The following EPN2 variants were observed in gnomAD, a reference collection of about 807,000 sequenced individuals.
EPN2 encodes the protein epsin-2.
EPN2 carries 34 observed loss-of-function variants against 61.7 expected under a neutral mutation model. The ratio of observed to expected loss-of-function variants is 0.55; its 90% CI spans 0.42 to 0.73. The LOEUF is 0.73. Among genes scored for constraint, EPN2 ranks in the 30% least tolerant of loss-of-function variants. The probability of loss-of-function intolerance (pLI) is 0.00; values close to 1 mark genes in which losing one functional copy is unlikely to be tolerated. For synonymous variants in EPN2, 349 were observed against 353.6 expected (o/e 0.99, Z 0.15); for missense variants, 714 against 839.2 (o/e 0.85, Z 1.84).
chr17:19,329,701 G>A, intron 9 of EPN2, 54 bp downstream of exon 9: 2 of 1,050,594 alleles, frequency 1.9e-6, no homozygotes, highest in Non-Finnish European at 2.9e-6. Flanking sequence ...GACCAGCTGA[G>A]TTATTGCAGA....
intron 7 of EPN2, among the ~76,000 whole-genome samples, chr17:19,318,381 T>C (rs1311186259): frequency 6.6e-6 from 1 of 151,528 alleles, no homozygotes; most frequent in African/African-American, 2.4e-5. Flanking sequence ...AAACCCCATC[T>C]CTACTGAAAA....
At chr17:19,248,368 C>G (rs539262079) in intron 1 of EPN2, 4 of 152,192 alleles carry the variant, frequency 2.6e-5, no homozygotes, top group Admixed American at 6.5e-5. Flanking sequence ...TGCATTTTAG[C>G]CACAGAGCAG....
At chr17:19,273,613 C>G (rs1392038262) in intron 1 of EPN2, among the ~76,000 whole-genome samples, 1 of 152,156 alleles carries the variant, frequency 6.6e-6, no homozygotes, top group African/African-American at 2.4e-5. Context: ...ATCCTCCTGC[C>G]TCAGCCTTCT....
At chr17:19,247,669 A>C (rs1230922428) in intron 1 of EPN2, among the ~76,000 whole-genome samples, 1 of 152,138 alleles carries the variant, frequency 6.6e-6, no homozygotes, top group Non-Finnish European at 1.5e-5. Flanking sequence ...CTCTGATGAG[A>C]CAGCAGCCTT....
chr17:19,325,990 A>T (rs1906850742), intron 7 of EPN2, among the ~76,000 whole-genome samples: 1 of 152,264 alleles, frequency 6.6e-6, no homozygotes, highest in African/African-American at 2.4e-5. Context: ...TGAAAAGTTT[A>T]AAAGATACTA....
intron 4 of EPN2, among the ~76,000 whole-genome samples, chr17:19,293,003 ACGGTGTACACCTATT>A (rs1275173590): frequency 3.3e-5 from 5 of 152,250 alleles, no homozygotes; most frequent in Admixed American, 6.5e-5. Flanking sequence ...ATAGGCAAAT[ACGGTGTACACCTATT>A]ACAATTTTAA....
intron 7 of EPN2, among the ~76,000 whole-genome samples, chr17:19,317,883 ATTGTGACT>A (rs959664207): frequency 6.6e-6 from 1 of 152,088 alleles, no homozygotes; most frequent in African/African-American, 2.4e-5. Flanking sequence ...TCAGGGAATG[ATTGTGACT>A]TTGTGACTTT....
intron 9 of EPN2, 51 bp from the exon 10 acceptor site, chr17:19,331,802 T>G: frequency 6.6e-7 from 1 of 1,520,542 alleles, no homozygotes. Flanking sequence ...GTACACAGTC[T>G]TAGGCTCTCC....
At position 19,282,970 on chromosome 17, in the gene EPN2, G is replaced by A. The variant is rs535804940; in HGVS notation, c.-150G>A. The stretch of plus-strand genomic sequence containing the variant: ...TCTAGGTCATGGCTTCCAGCTTTTC[G>A]AATCTGAGGCTCCAAAGGAGGAAAT... On this transcript the variant is annotated 5_prime_UTR_variant, in exon 3 of 11. Transcript: ENST00000314728. The A allele has an allele frequency of 5.5e-5, 34 of 620,562 alleles. No homozygotes were observed. The highest frequency in any genetic ancestry group is 8.4e-5 in the East Asian group (3 of 35,602). The allele number at this position is 620,562 out of a possible 1,614,324, so 38.4% of individuals were successfully genotyped here. A position where few individuals can be genotyped will look rare whatever the true frequency, so the allele number is the denominator to read the frequency against.
chr17:19,280,914 C>A (rs1257286398), intron 1 of EPN2, among the ~76,000 whole-genome samples: 2 of 152,220 alleles, frequency 1.3e-5, no homozygotes, highest in Non-Finnish European at 2.9e-5. Context: ...CAAGTTGAGA[C>A]CCCTTCTTTG....
At chr17:19,299,095 C>G (rs1271340517) in intron 4 of EPN2, among the ~76,000 whole-genome samples, 1 of 152,152 alleles carries the variant, frequency 6.6e-6, no homozygotes, top group East Asian at 1.9e-4. Context: ...TTCCCCCCAG[C>G]AGTGAAGGAG....
intron 4 of EPN2, among the ~76,000 whole-genome samples, chr17:19,302,166 C>G (rs1325383199): frequency 6.6e-6 from 1 of 152,238 alleles, no homozygotes; most frequent in Middle Eastern, 3.2e-3. Flanking sequence ...TCAGCCTGGA[C>G]TGTAAGTGGG....
intron 1 of EPN2, among the ~76,000 whole-genome samples, chr17:19,240,821 T>G (rs551894548): frequency 4.6e-5 from 7 of 152,324 alleles, no homozygotes; most frequent in Admixed American, 2.0e-4. Flanking sequence ...AGCTTGTCTT[T>G]ACTTCTCCAG....
chr17:19,240,152 T>C (rs2044867769), intron 1 of EPN2, among the ~76,000 whole-genome samples: 1 of 152,180 alleles, frequency 6.6e-6, no homozygotes, highest in African/African-American at 2.4e-5. Context: ...TTCTCTCTGG[T>C]GTATAGGGGT....
At position 19,335,470 on chromosome 17, in the gene EPN2, C is replaced by G. The variant is rs1234023124; in HGVS notation, c.*1216C>G. The G allele has an allele frequency of 6.5e-7, 1 of 1,549,260 alleles. No homozygotes were observed. The highest frequency in any genetic ancestry group is 8.7e-7 in the Non-Finnish European group (1 of 1,146,290). ...CTGAAATGGAAGAAACATCTTTAACCTTGTGTGTCTGTGATCTCCTCTGTC... is the reference window on the plus strand; with the variant it reads ...CTGAAATGGAAGAAACATCTTTAACGTTGTGTGTCTGTGATCTCCTCTGTC... On this transcript the variant is annotated 3_prime_UTR_variant, in exon 11 of 11. Coordinates refer to ENST00000314728, the MANE Select transcript of EPN2 (RefSeq NM_014964.5).
chr17:19,312,177 C>T, intron 6 of EPN2, 33 bp downstream of exon 6: 1 of 1,512,528 alleles, frequency 6.6e-7, no homozygotes, highest in African/African-American at 1.4e-5. Context: ...GATGTTTCAC[C>T]CTGTCCTGTA....
intron 4 of EPN2, among the ~76,000 whole-genome samples, chr17:19,309,210 T>C (rs1437715885): frequency 6.6e-6 from 1 of 151,612 alleles, no homozygotes; most frequent in Admixed American, 6.6e-5. Context: ...TGGCGAGATC[T>C]TGGCTCACTG....
chr17:19,291,873 G>A (rs2045469000), intron 4 of EPN2, among the ~76,000 whole-genome samples: 1 of 152,290 alleles, frequency 6.6e-6, no homozygotes, highest in East Asian at 1.9e-4. Flanking sequence ...TTCATAACAA[G>A]GGAACCTCAG....
At chr17:19,245,385 TG>T (rs2044933829) in intron 1 of EPN2, among the ~76,000 whole-genome samples, 1 of 151,972 alleles carries the variant, frequency 6.6e-6, no homozygotes, top group Non-Finnish European at 1.5e-5. Context: ...AATGCTACTT[TG>T]TTAAAAGGGG....
Sources: gnomAD v4.1 joint callset for allele counts (sites outside exome capture counted in the v4.1 genomes callset) on GRCh38, gnomAD v4.1.1 for gene constraint, MANE v1.5 for transcripts, NCBI Gene and HGNC (gene_info 2026-07-23, HGNC 2026-07-21) for gene names.